CDH13: variants seen among roughly 807,000 people sequenced by gnomAD.
The protein encoded by CDH13 is cadherin 13.
CDH13 carries 24 observed loss-of-function variants against 63.8 expected under a neutral mutation model. The observed-to-expected ratio is 0.38, with a 90% CI of 0.27 to 0.53. The LOEUF is 0.53. Among genes scored for constraint, CDH13 ranks in the 20% least tolerant of loss-of-function variants. The pLI is 0.85. For missense variants in CDH13, 1,049 were observed against 903.1 expected (o/e 1.16, Z -2.07); for synonymous variants, 503 against 355.3 (o/e 1.42, Z -4.67).
At position 83,497,173 on chromosome 16, in the gene CDH13, A is replaced by C. The variant is rs1290943400; in HGVS notation, c.960+10518A>C. Among the ~76,000 whole-genome samples, 4 of 152,162 alleles carry C rather than the reference A, an allele frequency of 2.6e-5. No homozygotes were observed. The South Asian group carries it at 6.2e-4, about 24-fold the overall frequency. The stretch of plus-strand genomic sequence containing the variant: ...ATCCCATTACTGGGTATATACCCAA[A>C]GGACTATAAATCATGCTGCTATAAA... On this transcript the variant is annotated intron_variant, in intron 7 of 13. Transcript: ENST00000567109.
chr16:83,087,054 C>T (rs1384989542), intron 3 of CDH13, among the ~76,000 whole-genome samples: 1 of 152,184 alleles, frequency 6.6e-6, no homozygotes, highest in Non-Finnish European at 1.5e-5. Flanking sequence ...ATCCACAAGT[C>T]AGCAGTTGCC....
At chr16:83,422,236 C>T (rs541411340) in intron 6 of CDH13, among the ~76,000 whole-genome samples, 4 of 152,086 alleles carry the variant, frequency 2.6e-5, no homozygotes, top group African/African-American at 9.7e-5. Flanking sequence ...AAAAATAATT[C>T]GTTTTGAAGA....
chr16:82,900,763 C>G (rs540115793), intron 2 of CDH13, among the ~76,000 whole-genome samples: 1 of 152,184 alleles, frequency 6.6e-6, no homozygotes, highest in Non-Finnish European at 1.5e-5. Flanking sequence ...TCTGCCCGGC[C>G]GTTAGCTTTT....
chr16:83,100,494 C>G (rs2034423320), intron 3 of CDH13, among the ~76,000 whole-genome samples: 2 of 152,174 alleles, frequency 1.3e-5, no homozygotes, highest in Admixed American at 6.5e-5. Flanking sequence ...AATCAAGATT[C>G]TCCAACTTAC....
chr16:83,054,426 C>G (rs535413036), intron 3 of CDH13, among the ~76,000 whole-genome samples: 1 of 152,274 alleles, frequency 6.6e-6, no homozygotes, highest in South Asian at 2.1e-4. Flanking sequence ...ACTGATATCT[C>G]AGCAGTTGAC....
chr16:82,705,023 G>C (rs1378864500), intron 1 of CDH13: 8 of 404,024 alleles, frequency 2.0e-5, no homozygotes. Flanking sequence ...ATTGCCACTG[G>C]ACGGGAAAAT....
chr16:82,903,884 G>A (rs780688070), intron 2 of CDH13, among the ~76,000 whole-genome samples: 119 of 152,292 alleles, frequency 7.8e-4, no homozygotes, highest in Non-Finnish European at 8.8e-4. Context: ...TAGCTAGGAA[G>A]TGGCAAGTCA....
intron 1 of CDH13, among the ~76,000 whole-genome samples, chr16:82,702,326 C>T (rs763444569): frequency 1.1e-4 from 16 of 152,278 alleles, no homozygotes; most frequent in Non-Finnish European, 5.9e-5. Flanking sequence ...CATCATGGTT[C>T]TTGAAATACA....
intron 1 of CDH13, among the ~76,000 whole-genome samples, chr16:82,738,838 T>A (rs957279430): frequency 6.6e-6 from 1 of 152,364 alleles, no homozygotes; most frequent in African/African-American, 2.4e-5. Flanking sequence ...CTTTGACTAA[T>A]GTTATTCATG....
At chr16:83,730,562 A>G (rs1910923961) in intron 10 of CDH13, among the ~76,000 whole-genome samples, 1 of 152,236 alleles carries the variant, frequency 6.6e-6, no homozygotes, top group South Asian at 2.1e-4. Context: ...ACTAAAATAT[A>G]CGGTGGTATT....
At chr16:82,717,934 A>G (rs2151017253) in intron 1 of CDH13, among the ~76,000 whole-genome samples, 1 of 152,348 alleles carries the variant, frequency 6.6e-6, no homozygotes, top group Admixed American at 6.5e-5. Flanking sequence ...GTTTCCTAAA[A>G]GAAAATAAGA....
chr16:83,372,564 C>A (rs2151401477), intron 6 of CDH13, among the ~76,000 whole-genome samples: 1 of 151,898 alleles, frequency 6.6e-6, no homozygotes, highest in African/African-American at 2.4e-5. Context: ...CCATCCTGGC[C>A]AACATGGTGA....
chr16:83,441,370 C>G (rs1347644045), intron 6 of CDH13, among the ~76,000 whole-genome samples: 3 of 152,188 alleles, frequency 2.0e-5, no homozygotes, highest in Non-Finnish European at 4.4e-5. Flanking sequence ...AATACAAGCT[C>G]TAGAACATCA....
intron 1 of CDH13, among the ~76,000 whole-genome samples, chr16:82,847,078 C>G (rs1234782050): frequency 6.6e-6 from 1 of 152,092 alleles, no homozygotes; most frequent in Non-Finnish European, 1.5e-5. Flanking sequence ...CTCTCCTATT[C>G]CTTTCTAACT....
At chr16:82,676,945 G>A (rs1379610169) in intron 1 of CDH13, among the ~76,000 whole-genome samples, 7 of 152,188 alleles carry the variant, frequency 4.6e-5, no homozygotes, top group Admixed American at 1.3e-4. Context: ...GTGCAGTGGC[G>A]CAAGCTCAGC....
chr16:82,971,538 C>A (rs553305070), intron 2 of CDH13, among the ~76,000 whole-genome samples: 1 of 152,158 alleles, frequency 6.6e-6, no homozygotes, highest in Admixed American at 6.5e-5. Context: ...GGCATCTAAC[C>A]CAGACCTCTG....
chr16:83,000,352 A>C (rs1290891980), intron 2 of CDH13, among the ~76,000 whole-genome samples: 1 of 138,618 alleles, frequency 7.2e-6, no homozygotes, highest in Non-Finnish European at 1.5e-5. Context: ...AGGTTCAAGC[A>C]ATTGTCTTGC....
intron 8 of CDH13, among the ~76,000 whole-genome samples, chr16:83,655,765 T>C (rs1433686064): frequency 6.6e-6 from 1 of 152,148 alleles, no homozygotes; most frequent in Non-Finnish European, 1.5e-5. Flanking sequence ...ATGTAGCAGG[T>C]GTTCAGTGGC....
intron 1 of CDH13, among the ~76,000 whole-genome samples, chr16:82,831,564 G>A (rs2038542081): frequency 6.6e-6 from 1 of 152,060 alleles, no homozygotes; most frequent in African/African-American, 2.4e-5. Flanking sequence ...AAGGGGCTGA[G>A]GTGAGGACCC....
Sources: allele counts gnomAD v4.1 joint callset (sites outside exome capture counted in the v4.1 genomes callset), GRCh38; gene constraint gnomAD v4.1.1; transcripts MANE v1.5; gene names NCBI Gene and HGNC (gene_info 2026-07-23, HGNC 2026-07-21).